SLC46A1: variants seen among roughly 807,000 people sequenced by gnomAD.
SLC46A1 encodes the protein proton-coupled folate transporter.
SLC46A1 carries 17 observed loss-of-function variants against 32.1 expected under a neutral mutation model. That is an observed-to-expected ratio of 0.53 (90% CI 0.36 to 0.79). The LOEUF (loss-of-function observed/expected upper bound fraction) is 0.79. Among genes scored for constraint, SLC46A1 ranks in the 30% least tolerant of loss-of-function variants. The pLI is 0.00. For missense variants in SLC46A1, 517 were observed against 588.2 expected, an observed-to-expected ratio of 0.88 and a Z score of 1.25; for synonymous variants, 240 against 262.7, an observed-to-expected ratio of 0.91 and a Z score of 0.84.
At chr17:28,401,240 T>A in intron 3 of SLC46A1, 1 of 176,276 alleles carries the variant, frequency 5.7e-6, no homozygotes, top group South Asian at 1.3e-4. Flanking sequence ...AATACCTATT[T>A]CCTAGATTGT....
At chr17:28,400,874 TC>T (rs1668850828) in intron 3 of SLC46A1, 108 bp from the exon 4 acceptor site, 2 of 948,942 alleles carry the variant, frequency 2.1e-6, no homozygotes, top group Admixed American at 4.0e-5. Context: ...AACCTATGTC[TC>T]CCCTTCCTCA....
At chr17:28,402,735 T>C (rs1164447465) in intron 2 of SLC46A1, 2 of 165,472 alleles carry the variant, frequency 1.2e-5, no homozygotes, top group African/African-American at 4.8e-5. Flanking sequence ...CCTGACTCCC[T>C]GTATGAGGAA....
Position 28,405,906 on chromosome 17 carries a change from C to T in SLC46A1, c.209G>A (p.Ser70Asn). Residue 70 changes from serine to asparagine, a missense_variant, in exon 1 of 5, where the codon AGC becomes AAC. Transcript: ENST00000612814. ...CGCTACCTGCATGGTGGGGTCCGCG[C>T]TGCGGTTGCTGCAGCCCCCCCTTTG... is the stretch of plus-strand genomic sequence containing the variant. ...TRQRGGCSNR[S>N]ADPTMQEVET... 2 of 1,601,740 alleles carry T rather than the reference C, an allele frequency of 1.2e-6. No individual in the cohort carries two copies. Among genetic ancestry groups the T allele is most frequent in the Non-Finnish European group, 8.5e-7 (1 of 1,175,330 alleles).
At chr17:28,400,498 C>G in intron 4 of SLC46A1, 112 bp downstream of exon 4, 1 of 1,440,052 alleles carries the variant, frequency 6.9e-7, no homozygotes, top group Non-Finnish European at 9.4e-7. Flanking sequence ...GACAAGACAC[C>G]CAGAGGGTAA....
chr17:28,404,817 T>C lies in SLC46A1; in HGVS notation c.880A>G (p.Ser294Gly). ...TTGGAGTCCCAGCAGAGGGGTGTGC[T>C]TAGTTCATAAAGGGTTAAGATGTCC... ...AQDILTLYEL[S>G]TPLCWDSKLI... The change falls in exon 2 of 5, where the codon AGC becomes GGC. Residue 294 changes from serine (S) to glycine (G), a missense_variant. Transcript: ENST00000612814. 6.2e-7 allele frequency: 1 copy of C among 1,613,920 alleles called. No individual in the cohort carries two copies. The highest frequency in any genetic ancestry group is 8.5e-7 in the Non-Finnish European group (1 of 1,179,864).
rs906849278 is a variant in SLC46A1, at chr17:28,405,734, G to C, written c.228+153C>G. ...TCGCATCCCACCCGCTGAGGTTCTC[G>C]GTCAGGCCCCTTTGCTCTGGTCCCG... On this transcript the variant is annotated intron_variant, in intron 1 of 4. Transcript: ENST00000612814. 47 of 1,015,940 alleles carry C rather than the reference G, an allele frequency of 4.6e-5. No homozygotes were observed. The South Asian group carries it at 7.4e-4, about 16-fold the overall frequency. The allele number at this position is 1,015,940 out of a possible 1,614,324, so 62.9% of individuals were successfully genotyped here. A position where few individuals can be genotyped will look rare whatever the true frequency, so the allele number is the denominator to read the frequency against.
Position 28,405,305 on chromosome 17 carries a change from G to T in SLC46A1, c.392C>A (p.Ser131Tyr), listed in dbSNP as rs782164370. ...GAGCTGCAGCTGCACCACAAAAACGGACACTAGGGCCTGGAGCAGCAGGCC... is the reference window on the plus strand; with the variant it reads ...GAGCTGCAGCTGCACCACAAAAACGTACACTAGGGCCTGGAGCAGCAGGCC... ...SLGLLLQALV[S>Y]VFVVQLQLHV... The change falls in exon 2 of 5, where the codon TCC (serine) becomes TAC (tyrosine). Residue 131 changes from serine to tyrosine, a missense_variant. Coordinates refer to ENST00000612814, the MANE Select transcript of SLC46A1 (RefSeq NM_080669.6). The T allele has an allele frequency of 1.8e-5, 28 of 1,589,592 alleles. No homozygotes were observed. Among genetic ancestry groups the T allele is most frequent in the Middle Eastern group, 3.3e-4 (2 of 6,042 alleles).
chr17:28,399,839 CAAGCTGAG>C (rs781795728), intron 4 of SLC46A1, 126 bp from the exon 5 acceptor site: 23 of 915,902 alleles, frequency 2.5e-5, no homozygotes, highest in African/African-American at 8.1e-5. Context: ...CCTCCTTCCC[CAAGCTGAG>C]AAGCTGAGAG....
rs1386403212 is a variant in SLC46A1, at chr17:28,399,522, A to G, written c.*134T>C. The G allele has an allele frequency of 5.8e-6, 5 of 858,120 alleles. No homozygotes were observed. Among genetic ancestry groups the G allele is most frequent in the Non-Finnish European group, 7.5e-6 (4 of 535,028 alleles). The allele number at this position is 858,120 out of a possible 1,614,324, so 53.2% of individuals were successfully genotyped here. Reference sequence around the variant, plus strand: ...GGTGGTGCCTTGGTCTCTCTTGACTACCTCGTCCAAAGAGAGCACTGCCCT... The same window carrying G: ...GGTGGTGCCTTGGTCTCTCTTGACTGCCTCGTCCAAAGAGAGCACTGCCCT... On this transcript the variant is annotated 3_prime_UTR_variant, in exon 5 of 5. Coordinates refer to ENST00000612814, the MANE Select transcript of SLC46A1 (RefSeq NM_080669.6).
intron 4 of SLC46A1, 168 bp from the exon 5 acceptor site, chr17:28,399,881 T>G: frequency 7.4e-6 from 5 of 675,558 alleles, no homozygotes; most frequent in South Asian, 1.8e-5. Flanking sequence ...TCCAGGGACA[T>G]GGCTCTGGAA....
chr17:28,405,796 G>GC, intron 1 of SLC46A1, 91 bp downstream of exon 1: 1 of 1,345,868 alleles, frequency 7.4e-7, no homozygotes, highest in Non-Finnish European at 1.0e-6. Flanking sequence ...CCAGTTACCC[G>GC]CCACTACCAT....
rs281875210 is a variant in SLC46A1 at position 28,405,231 on chromosome 17, C to G, written c.466G>C (p.Asp156His). The stretch of plus-strand genomic sequence containing the variant: ...CTAGCAGCCAGAAGGCCACCGAAGT[C>G]GCCGAGGAGGGCACAAAGGATGCGA... The part of the protein sequence containing the change: ...LGRILCALLG[D>H]FGGLLAASFA... Residue 156 changes from aspartate (D) to histidine (H), a missense_variant, in exon 2 of 5, where the codon GAC becomes CAC. Physicochemically the swap from Asp to His is moderately conservative, Grantham distance 81. Transcript: ENST00000612814. 6.9e-6 allele frequency: 11 copies of G among 1,592,518 alleles called. No homozygotes were observed. The highest frequency in any genetic ancestry group is 9.4e-6 in the Non-Finnish European group (11 of 1,170,072).
In SLC46A1 at chr17:28,396,711, C is replaced by T. The variant is rs1339848912; in HGVS notation, c.*2945G>A. The T allele has an allele frequency of 3.8e-5, 7 of 181,898 alleles. No individual in the cohort carries two copies. In the East Asian group the frequency reaches 8.9e-4, roughly 23 times the overall value. 11.3% of individuals were successfully genotyped at this position (181,898 alleles called of 1,614,324 possible). Reference sequence around the variant, plus strand: ...GCGGGCCTGGGCACTGTATTCTGAGCAAGGGCCTGGGCCCAGGAGCCAGCC... The same window carrying T: ...GCGGGCCTGGGCACTGTATTCTGAGTAAGGGCCTGGGCCCAGGAGCCAGCC... On this transcript the variant is annotated 3_prime_UTR_variant, in exon 5 of 5. Coordinates refer to ENST00000612814, the MANE Select transcript of SLC46A1 (RefSeq NM_080669.6).
At chr17:28,402,614 G>A (rs2068210778) in intron 2 of SLC46A1, 2 of 278,404 alleles carry the variant, frequency 7.2e-6, no homozygotes, top group South Asian at 1.1e-4. Context: ...CACTTAGTAG[G>A]GATATGGCAG....
At position 28,395,416 on chromosome 17, in the gene SLC46A1, A is replaced by G. The variant is rs1555587551; in HGVS notation, c.*4240T>C. On this transcript the variant is annotated 3_prime_UTR_variant, in exon 5 of 5. Coordinates refer to ENST00000612814, the MANE Select transcript of SLC46A1 (RefSeq NM_080669.6). ...TGTTTATCAACCTGGAGGCTCTTCA[A>G]AACCCCTTGTTTGGGGGTTTTTATG... 2 of 157,608 alleles carry G rather than the reference A, an allele frequency of 1.3e-5. No homozygotes were observed. Among genetic ancestry groups the G allele is most frequent in the Admixed American group, 1.2e-4 (2 of 16,602 alleles). The allele number at this position is 157,608 out of a possible 1,614,324, so 9.8% of individuals were successfully genotyped here.
At position 28,399,651 on chromosome 17, in the gene SLC46A1, G is replaced by A. The variant is rs1431473548; in HGVS notation, c.*5C>T. ...TCTTGCCCTCTGTCTTCTGGTCCAG[G>A]CAGATCAGGGGCTCTGGGGAAACTG... On this transcript the variant is annotated 3_prime_UTR_variant, in exon 5 of 5. Coordinates refer to ENST00000612814, the MANE Select transcript of SLC46A1 (RefSeq NM_080669.6). 1.1e-5 allele frequency: 18 copies of A among 1,613,872 alleles called. No homozygotes were observed. The highest frequency in any genetic ancestry group is 1.4e-5 in the Non-Finnish European group (17 of 1,179,876).
At position 28,402,137 on chromosome 17, in the gene SLC46A1, G is replaced by A. The variant is rs41297101; in HGVS notation, c.1165+101C>T. The stretch of plus-strand genomic sequence containing the variant: ...GGCCACTTACTTCTCCAGGGTGAGA[G>A]GGGGGAAGGCAAGCTGTTCCCCCAG... On this transcript the variant is annotated intron_variant, in intron 3 of 4. Coordinates refer to ENST00000612814, the MANE Select transcript of SLC46A1 (RefSeq NM_080669.6). The A allele has an allele frequency of 1.5e-3, 1,478 of 979,852 alleles. 15 individuals carry two copies. The African/African-American group carries it at 0.022, about 14-fold the overall frequency. The allele number at this position is 979,852 out of a possible 1,614,324, so 60.7% of individuals were successfully genotyped here.
chr17:28,405,021 C>CA lies in SLC46A1; in HGVS notation c.675dup (p.Ala226CysfsTer7). 1.2e-6 allele frequency: 2 copies of CA among 1,614,004 alleles called. No homozygotes were observed. Among genetic ancestry groups the CA allele is most frequent in the Non-Finnish European group, 1.7e-6 (2 of 1,179,890 alleles). On this transcript the variant is annotated frameshift_variant, in exon 2 of 5. Transcript: ENST00000612814. LOFTEE classifies it high-confidence loss of function. Reference sequence around the variant, plus strand: ...AAGGTCTCACCAAAGCAGAAAGCTGCATAGAGAGTCATGGCTATCAGCAAG... The same window carrying CA: ...AAGGTCTCACCAAAGCAGAAAGCTGCAATAGAGAGTCATGGCTATCAGCAAG...
intron 2 of SLC46A1, chr17:28,402,523 C>T (rs1171857253): frequency 9.8e-6 from 5 of 508,458 alleles, no homozygotes; most frequent in African/African-American, 7.7e-5. Context: ...TGCTAGCTCT[C>T]ATGAATGAAT....
Sources: allele counts gnomAD v4.1 joint callset, GRCh38; gene constraint gnomAD v4.1.1; transcripts MANE v1.5; gene names NCBI Gene and HGNC (gene_info 2026-07-23, HGNC 2026-07-21).